Variants in PEX14 observed in about 807,000 individuals in gnomAD.
PEX14 encodes peroxisomal membrane protein PEX14.
Under a neutral mutation model 49.5 loss-of-function variants are expected in PEX14, and 15 were observed. The ratio of observed to expected loss-of-function variants is 0.30; its 90% confidence interval spans 0.20 to 0.47. The LOEUF (loss-of-function observed/expected upper bound fraction) is 0.47, where lower values mean the gene tolerates loss of function less well. Ranked by LOEUF, PEX14 falls within the 20% of genes least tolerant of loss-of-function variation. The pLI is 1.00. For missense variants in PEX14, 398 were observed against 494.8 expected (o/e 0.80, Z 1.86); for synonymous variants, 210 against 212.7 (o/e 0.99, Z 0.11).
chr1:10,528,499 A>G (rs890716640), intron 2 of PEX14: 1 of 153,956 alleles, frequency 6.5e-6, no homozygotes, highest in African/African-American at 2.4e-5. Context: ...GTCACCCGCC[A>G]CCGTCACTGT....
At chr1:10,583,830 C>T (rs1053192519) in intron 3 of PEX14, among the ~76,000 whole-genome samples, 18 of 151,966 alleles carry the variant, frequency 1.2e-4, no homozygotes, top group Non-Finnish European at 1.8e-4. Flanking sequence ...AGGGAATGAC[C>T]GATGCAGAAG....
chr1:10,553,066 A>G (rs762739078), intron 3 of PEX14, among the ~76,000 whole-genome samples: 11 of 152,166 alleles, frequency 7.2e-5, no homozygotes, highest in Admixed American at 2.6e-4. Context: ...AACCACGGAA[A>G]AGTTGTATGT....
intron 4 of PEX14, among the ~76,000 whole-genome samples, chr1:10,614,084 C>T (rs1228136514): frequency 6.6e-6 from 1 of 152,216 alleles, no homozygotes; most frequent in Non-Finnish European, 1.5e-5. Flanking sequence ...TGGGGAGGGG[C>T]AGGACTTGAG....
intron 2 of PEX14, among the ~76,000 whole-genome samples, chr1:10,524,239 G>A (rs1638396398): frequency 1.3e-5 from 2 of 152,208 alleles, no homozygotes; most frequent in South Asian, 4.1e-4. Context: ...AGAAAAGGAT[G>A]AGGGATGTTT....
chr1:10,600,421 C>CA (rs1043754626), intron 4 of PEX14, among the ~76,000 whole-genome samples: 88 of 150,148 alleles, frequency 5.9e-4, no homozygotes, highest in Admixed American at 4.9e-3. Flanking sequence ...AACTCTGCCT[C>CA]AAAAAAACAA....
intron 3 of PEX14, among the ~76,000 whole-genome samples, chr1:10,592,930 G>A (rs1355275172): frequency 6.6e-6 from 1 of 152,182 alleles, no homozygotes; most frequent in Non-Finnish European, 1.5e-5. Flanking sequence ...TCCAAACTTG[G>A]ACGTGGTTGA....
chr1:10,603,640 G>T (rs1373977360), intron 4 of PEX14, among the ~76,000 whole-genome samples: 1 of 152,180 alleles, frequency 6.6e-6, no homozygotes. Context: ...CAGTGCATGT[G>T]TATAGGTGCA....
chr1:10,576,756 G>A (rs1640126183), intron 3 of PEX14, among the ~76,000 whole-genome samples: 1 of 139,858 alleles, frequency 7.2e-6, no homozygotes, highest in Non-Finnish European at 1.6e-5. Context: ...TTTAATTGCT[G>A]TACTTTTTTT....
chr1:10,572,628 G>A (rs939321985), intron 3 of PEX14, among the ~76,000 whole-genome samples: 1 of 152,112 alleles, frequency 6.6e-6, no homozygotes, highest in Admixed American at 6.6e-5. Context: ...TCTGCCTCCT[G>A]GGTTCACACC....
intron 2 of PEX14, among the ~76,000 whole-genome samples, chr1:10,497,483 A>C (rs945201187): frequency 6.6e-6 from 1 of 152,222 alleles, no homozygotes; most frequent in Non-Finnish European, 1.5e-5. Flanking sequence ...CAGACAATTG[A>C]GGAATAAAAC....
At chr1:10,564,876 C>G (rs1267042728) in intron 3 of PEX14, among the ~76,000 whole-genome samples, 1 of 150,858 alleles carries the variant, frequency 6.6e-6, no homozygotes, top group Non-Finnish European at 1.5e-5. Context: ...AATTCATTTT[C>G]CCCCACTTGG....
At chr1:10,573,445 A>G (rs1279098381) in intron 3 of PEX14, among the ~76,000 whole-genome samples, 1 of 152,206 alleles carries the variant, frequency 6.6e-6, no homozygotes, top group Non-Finnish European at 1.5e-5. Flanking sequence ...AAAGACTCAA[A>G]TATTTACTTT....
At chr1:10,536,624 C>G in intron 3 of PEX14, 1 of 329,474 alleles carries the variant, frequency 3.0e-6, no homozygotes, top group Non-Finnish European at 5.9e-6. Flanking sequence ...TGTCAGTGAC[C>G]CTGGCTGCAG....
At chr1:10,545,007 C>G (rs1008946523) in intron 3 of PEX14, among the ~76,000 whole-genome samples, 3 of 152,168 alleles carry the variant, frequency 2.0e-5, no homozygotes, top group Non-Finnish European at 4.4e-5. Context: ...AAGTGATCTG[C>G]CCACCTTGGC....
At chr1:10,579,426 A>G (rs1010922280) in intron 3 of PEX14, among the ~76,000 whole-genome samples, 1 of 152,192 alleles carries the variant, frequency 6.6e-6, no homozygotes, top group Non-Finnish European at 1.5e-5. Context: ...TAATACTGTT[A>G]CAAGAAAGAG....
Position 10,624,384 on chromosome 1 carries a change from A to T in PEX14, c.532A>T (p.Ile178Phe). 6.2e-7 allele frequency: 1 copy of T among 1,613,362 alleles called. No homozygotes were observed. The highest frequency in any genetic ancestry group is 8.5e-7 in the Non-Finnish European group (1 of 1,179,720). The change falls in exon 7 of 9, where the codon ATT becomes TTT. Residue 178 changes from isoleucine (I) to phenylalanine (F), a missense_variant. By Grantham distance (21) the Ile-to-Phe change is conservative. Around this residue, in one of 3 missense-constraint regions of PEX14, gnomAD observed 202 missense variants for 298.5 expected, o/e 0.68. Transcript: ENST00000356607. The part of the protein sequence containing the change: ...TTLASVQELL[I>F]QQQQKIQELA... ...CCTCGCCTCCGTCCAGGAGCTGCTG[A>T]TTCAGCAGCAGCAGAAGATCCAGGA...
intron 3 of PEX14, among the ~76,000 whole-genome samples, chr1:10,575,177 T>A (rs1399046889): frequency 1.3e-5 from 2 of 152,130 alleles, no homozygotes; most frequent in Non-Finnish European, 2.9e-5. Flanking sequence ...GAATGCATTG[T>A]CAATTTATAC....
intron 3 of PEX14, among the ~76,000 whole-genome samples, chr1:10,578,203 G>C (rs1001595792): frequency 6.6e-6 from 1 of 152,158 alleles, no homozygotes; most frequent in Admixed American, 6.5e-5. Flanking sequence ...CCATGCACAG[G>C]GGAAGTGCCA....
At chr1:10,569,493 T>C (rs1639909727) in intron 3 of PEX14, among the ~76,000 whole-genome samples, 1 of 152,230 alleles carries the variant, frequency 6.6e-6, no homozygotes, top group South Asian at 2.1e-4. Flanking sequence ...TCCCCAGTTG[T>C]CAGCCTTTCC....
Sources: allele counts gnomAD v4.1 joint callset (sites outside exome capture counted in the v4.1 genomes callset), GRCh38; gene constraint gnomAD v4.1.1; regional missense constraint gnomAD v4.1.1; transcripts MANE v1.5; gene names NCBI Gene and HGNC (gene_info 2026-07-23, HGNC 2026-07-21).